Variants in PTH2R observed in about 807,000 individuals in gnomAD.
The protein encoded by PTH2R is parathyroid hormone 2 receptor, also known as PTH2 receptor.
In PTH2R, 59 loss-of-function variants were observed where a neutral mutation model predicts 60.3. That is an observed-to-expected ratio of 0.98 (90% CI 0.79 to 1.22). PTH2R has a LOEUF of 1.22. Among genes scored for constraint, PTH2R ranks in the 50% most tolerant of loss-of-function variants. The pLI is 0.00. For synonymous variants in PTH2R, 256 were observed against 243.8 expected (o/e 1.05, Z -0.47); for missense variants, 749 against 682.6 (o/e 1.10, Z -1.08).
intron 9 of PTH2R, 84 bp downstream of exon 9, chr2:208,460,045 C>A: frequency 9.0e-7 from 1 of 1,115,052 alleles, no homozygotes. Flanking sequence ...TCTGTCACTG[C>A]ATTCTACAAC....
intron 2 of PTH2R, among the ~76,000 whole-genome samples, chr2:208,428,658 A>G (rs1701907323): frequency 6.6e-6 from 1 of 152,248 alleles, no homozygotes; most frequent in African/African-American, 2.4e-5. Flanking sequence ...GTCCCTGTGG[A>G]CATTGCCTCT....
At chr2:208,375,761 C>G in intron 1 of PTH2R, among the ~76,000 whole-genome samples, 1 of 152,032 alleles carries the variant, frequency 6.6e-6, no homozygotes, top group East Asian at 1.9e-4. Flanking sequence ...ATTTTGATTT[C>G]CAGAGAAGGC....
chr2:208,473,918 A>T (rs1234260811), intron 9 of PTH2R, among the ~76,000 whole-genome samples: 1 of 152,154 alleles, frequency 6.6e-6, no homozygotes, highest in Non-Finnish European at 1.5e-5. Flanking sequence ...ACTTAGAATT[A>T]TAGGGTTTTG....
At chr2:208,490,357 G>T (rs961376954) in intron 11 of PTH2R, among the ~76,000 whole-genome samples, 2 of 151,806 alleles carry the variant, frequency 1.3e-5, no homozygotes, top group African/African-American at 4.8e-5. Context: ...GTGATCCATG[G>T]GTCACAACAT....
chr2:208,433,887 A>G (rs1702021083), intron 2 of PTH2R, among the ~76,000 whole-genome samples: 1 of 152,250 alleles, frequency 6.6e-6, no homozygotes, highest in Non-Finnish European at 1.5e-5. Flanking sequence ...ATAATTACAG[A>G]GTTATAATTA....
intron 8 of PTH2R, among the ~76,000 whole-genome samples, chr2:208,458,170 A>G (rs569380513): frequency 2.6e-5 from 4 of 152,172 alleles, no homozygotes; most frequent in Non-Finnish European, 5.9e-5. Flanking sequence ...GTAAAACTTA[A>G]TTTGAATTCA....
At chr2:208,491,410 A>G (rs1473144480) in intron 12 of PTH2R, among the ~76,000 whole-genome samples, 2 of 152,190 alleles carry the variant, frequency 1.3e-5, no homozygotes, top group Non-Finnish European at 2.9e-5. Flanking sequence ...TTAAGAGTTA[A>G]AGAAAGAGGA....
rs1701995462 is a variant in PTH2R, at chr2:208,432,659, C to A, written c.178+4356C>A. Among the ~76,000 whole-genome samples the A allele has an allele frequency of 2.0e-5, 3 of 152,112 alleles. 1 individual carries two copies. In the South Asian group the frequency reaches 6.2e-4, roughly 32 times the overall value. On this transcript the variant is annotated intron_variant, in intron 2 of 12. Coordinates refer to ENST00000272847, the MANE Select transcript of PTH2R (RefSeq NM_005048.4). ...GAAGACAATAGTGGCTCAGTTAAGT[C>A]CAAGAGCCTCAAAAACAGGGAAGCC...
intron 1 of PTH2R, among the ~76,000 whole-genome samples, chr2:208,370,430 G>A (rs1358942219): frequency 6.9e-5 from 6 of 87,406 alleles, no homozygotes; most frequent in Admixed American, 4.2e-4. Flanking sequence ...GCGACAGAAC[G>A]AGACTCCGTC....
At chr2:208,406,781 G>T, upstream of PTH2R, 1 of 343,630 alleles carries the variant, frequency 2.9e-6, no homozygotes, top group Non-Finnish European at 5.2e-6. Flanking sequence ...GCGGGGCTGC[G>T]AGTCAAGTCC....
At chr2:208,482,288 G>A (rs1032972324) in intron 10 of PTH2R, among the ~76,000 whole-genome samples, 5 of 152,160 alleles carry the variant, frequency 3.3e-5, no homozygotes, top group African/African-American at 1.2e-4. Flanking sequence ...GGATCGGCAG[G>A]TTGAGAAATA....
At chr2:208,387,498 C>G (rs1266487291) in intron 1 of PTH2R, among the ~76,000 whole-genome samples, 1 of 152,162 alleles carries the variant, frequency 6.6e-6, no homozygotes, top group East Asian at 1.9e-4. Context: ...AATGCCTAAT[C>G]ACTGAAGCTT....
At chr2:208,392,561 C>T (rs533259603) in intron 1 of PTH2R, among the ~76,000 whole-genome samples, 8 of 152,228 alleles carry the variant, frequency 5.3e-5, no homozygotes, top group East Asian at 1.9e-4. Flanking sequence ...GGCTCCCATG[C>T]GAGCTAGAAT....
intron 12 of PTH2R, among the ~76,000 whole-genome samples, chr2:208,492,761 G>C (rs1304574592): frequency 6.6e-6 from 1 of 152,078 alleles, no homozygotes; most frequent in African/African-American, 2.4e-5. Flanking sequence ...AAATTCTCCT[G>C]GCAGCACTGA....
At chr2:208,441,854 G>C (rs74838456) in intron 4 of PTH2R, among the ~76,000 whole-genome samples, 1 of 152,120 alleles carries the variant, frequency 6.6e-6, no homozygotes, top group Non-Finnish European at 1.5e-5. Context: ...TACATAAGAT[G>C]TAAGCTTTGG....
At chr2:208,360,275 G>A (rs1327293917) in intron 1 of PTH2R, 3 of 420,176 alleles carry the variant, frequency 7.1e-6, no homozygotes, top group Admixed American at 2.7e-5. Context: ...CGCCTTCTGC[G>A]TGAGCAGCCC....
chr2:208,362,882 G>T (rs1046032844), intron 1 of PTH2R, among the ~76,000 whole-genome samples: 78 of 151,806 alleles, frequency 5.1e-4, no homozygotes, highest in Middle Eastern at 3.4e-3. Flanking sequence ...TGTCCTAATG[G>T]GTGTGAGGTG....
chr2:208,427,021 G>T (rs924150174), intron 1 of PTH2R, among the ~76,000 whole-genome samples: 1 of 152,142 alleles, frequency 6.6e-6, no homozygotes, highest in Non-Finnish European at 1.5e-5. Flanking sequence ...CCTATAAAAA[G>T]GCTGCGTGTA....
chr2:208,461,575 C>T (rs2105889004), intron 9 of PTH2R, among the ~76,000 whole-genome samples: 1 of 151,994 alleles, frequency 6.6e-6, no homozygotes, highest in South Asian at 2.1e-4. Context: ...TTAATTTTAC[C>T]CACATTTTAA....
Sources: gnomAD v4.1 joint callset for allele counts (sites outside exome capture counted in the v4.1 genomes callset) on GRCh38, gnomAD v4.1.1 for gene constraint, MANE v1.5 for transcripts, NCBI Gene and HGNC (gene_info 2026-07-23, HGNC 2026-07-21) for gene names.